RGS8: variants seen among roughly 807,000 people sequenced by gnomAD.
The protein encoded by RGS8 is regulator of G protein signaling 8, also known as regulator of G-protein signaling 8.
RGS8 carries 8 observed loss-of-function variants against 21.7 expected under a neutral mutation model. The observed-to-expected ratio is 0.37, with a 90% CI of 0.22 to 0.66. RGS8 has a LOEUF of 0.66. Among genes scored for constraint, RGS8 ranks in the 30% least tolerant of loss-of-function variants. RGS8 has a pLI of 0.59. For missense variants in RGS8, 157 were observed against 217.9 expected (o/e 0.72, Z 1.76); for synonymous variants, 80 against 83.6 (o/e 0.96, Z 0.24).
In RGS8 at chr1:182,649,441, G is replaced by A. The variant is rs572668301; in HGVS notation, c.194-1138C>T. Reference sequence around the variant, plus strand: ...GCCTCTTTTAAAAAAAACCTTTGAGGTGCTGTATTTTGACCTTTTATTCCA... The same window carrying A: ...GCCTCTTTTAAAAAAAACCTTTGAGATGCTGTATTTTGACCTTTTATTCCA... On this transcript the variant is annotated intron_variant, in intron 5 of 6. Coordinates refer to ENST00000483095, the Ensembl canonical transcript of RGS8. Among the ~76,000 whole-genome samples the A allele has an allele frequency of 2.2e-3, 338 of 152,192 alleles. 2 individuals carry two copies. Among genetic ancestry groups the A allele is most frequent in the African/African-American group, 7.8e-3 (323 of 41,512 alleles).
At chr1:182,688,990 A>G (rs1258469764), upstream of RGS8, among the ~76,000 whole-genome samples, 2 of 152,218 alleles carry the variant, frequency 1.3e-5, no homozygotes, top group Non-Finnish European at 2.9e-5. Flanking sequence ...GTAAGATAAT[A>G]AATCTATGCT....
chr1:182,669,436 G>A (rs909672222), intron 3 of RGS8, among the ~76,000 whole-genome samples, 188 bp downstream of exon 4: 1 of 152,172 alleles, frequency 6.6e-6, no homozygotes, highest in African/African-American at 2.4e-5. Flanking sequence ...TGCTTGCAAG[G>A]CCACAACTTT....
chr1:182,665,298 T>C (rs886962410), intron 5 of RGS8, among the ~76,000 whole-genome samples: 11 of 152,154 alleles, frequency 7.2e-5, no homozygotes, highest in South Asian at 4.1e-4. Context: ...AAGCAAGAGA[T>C]GAAAAGTTTG....
exon 7 of RGS8, chr1:182,646,844 T>C (rs1238877629): frequency 6.2e-7 from 1 of 1,614,034 alleles, no homozygotes; most frequent in Non-Finnish European, 8.5e-7. Context: ...TCCTTGGGCT[T>C]GGTCAAAGCA....
chr1:182,688,406 A>G (rs1664752418), upstream of RGS8, among the ~76,000 whole-genome samples: 1 of 152,120 alleles, frequency 6.6e-6, no homozygotes, highest in Non-Finnish European at 1.5e-5. Flanking sequence ...AGAAGGAAAG[A>G]ATGAAAGGGA....
chr1:182,725,644 C>G, the RGS8 span, among the ~76,000 whole-genome samples: 1 of 152,156 alleles, frequency 6.6e-6, no homozygotes, highest in Admixed American at 6.5e-5. Flanking sequence ...CAAGGACTTA[C>G]AAATGAAACT....
At chr1:182,721,400 T>G in the RGS8 span, among the ~76,000 whole-genome samples, 1 of 152,166 alleles carries the variant, frequency 6.6e-6, no homozygotes, top group Non-Finnish European at 1.5e-5. Flanking sequence ...GAAATTAATC[T>G]CACTCTCTCA....
chr1:182,734,769 AGC>A, the RGS8 span: 1 of 152,228 alleles, frequency 6.6e-6, no homozygotes, highest in African/African-American at 2.4e-5. Context: ...GGAGGTTCAG[AGC>A]CTATAATCAC....
the RGS8 span, among the ~76,000 whole-genome samples, chr1:182,744,662 C>T: frequency 2.6e-5 from 4 of 152,182 alleles, no homozygotes; most frequent in Non-Finnish European, 4.4e-5. Context: ...AGTACAGTAA[C>T]GTGCTATACA....
At chr1:182,695,045 G>C in the RGS8 span, among the ~76,000 whole-genome samples, 1 of 151,246 alleles carries the variant, frequency 6.6e-6, no homozygotes, top group African/African-American at 2.4e-5. Context: ...GTTCAGTGAT[G>C]ACTTTTTCTT....
At chr1:182,669,559 G>GGT in intron 3 of RGS8, 65 bp downstream of exon 4, 3 of 1,610,574 alleles carry the variant, frequency 1.9e-6, no homozygotes, top group Non-Finnish European at 2.5e-6. Flanking sequence ...AATAACAGAG[G>GGT]GTGTGACAAG....
chr1:182,726,796 CA>C, the RGS8 span, among the ~76,000 whole-genome samples: 1 of 152,130 alleles, frequency 6.6e-6, no homozygotes, highest in African/African-American at 2.4e-5. Flanking sequence ...AATAGCCTTA[CA>C]AAGTGAGAAG....
chr1:182,674,181 G>A (rs2102449948), upstream of RGS8, among the ~76,000 whole-genome samples: 1 of 152,278 alleles, frequency 6.6e-6, no homozygotes, highest in Admixed American at 6.5e-5. Context: ...ATCTCACGCT[G>A]CCCCGGCCAG....
At chr1:182,679,108 CATGTT>C (rs931623702) in intron 1 of RGS8, among the ~76,000 whole-genome samples, 2 of 152,166 alleles carry the variant, frequency 1.3e-5, no homozygotes, top group Non-Finnish European at 2.9e-5. Context: ...CTCTTTCTCA[CATGTT>C]ATTCTGCACT....
the RGS8 span, among the ~76,000 whole-genome samples, chr1:182,741,398 C>T: frequency 1.1e-3 from 143 of 132,070 alleles, no homozygotes; most frequent in African/African-American, 3.9e-3. Context: ...GGCGGCTGGC[C>T]GGGCGGGGGG....
At chr1:182,648,209 C>T (rs1220070708) in exon 6 of RGS8, 14 of 1,613,678 alleles carry the variant, frequency 8.7e-6, no homozygotes, top group Non-Finnish European at 1.2e-5. Context: ...TTGCAGTTGA[C>T]CTGGTCTTCT....
the RGS8 span, among the ~76,000 whole-genome samples, chr1:182,741,310 G>T: frequency 2.2e-4 from 1 of 4,630 alleles, no homozygotes; most frequent in Non-Finnish European, 6.0e-4. Flanking sequence ...CGGGTGGGGG[G>T]CTGACCCCCC....
At chr1:182,710,345 G>A in the RGS8 span, among the ~76,000 whole-genome samples, 1 of 152,136 alleles carries the variant, frequency 6.6e-6, no homozygotes, top group Admixed American at 6.5e-5. Context: ...AGGTAGCAGG[G>A]ACACCCCTAC....
chr1:182,722,847 G>A, the RGS8 span, among the ~76,000 whole-genome samples: 8 of 151,942 alleles, frequency 5.3e-5, no homozygotes, highest in Admixed American at 1.3e-4. Context: ...GCTTGGTTGC[G>A]GGCGCCTGTA....
Sources: allele counts gnomAD v4.1 joint callset (sites outside exome capture counted in the v4.1 genomes callset), GRCh38; gene constraint gnomAD v4.1.1; transcripts MANE v1.5; gene names NCBI Gene and HGNC (gene_info 2026-07-23, HGNC 2026-07-21).